Variants in RGS21 observed in about 807,000 individuals in gnomAD.
The protein encoded by RGS21 is regulator of G protein signaling 21.
A neutral mutation model predicts 18.7 loss-of-function variants in RGS21; 19 were observed. The observed-to-expected ratio is 1.01, with a 90% CI of 0.71 to 1.49. The LOEUF (loss-of-function observed/expected upper bound fraction) is 1.49. Among genes scored for constraint, RGS21 ranks in the 40% most tolerant of loss-of-function variants. The pLI is 0.00. For missense variants in RGS21, 194 were observed against 176.8 expected, an observed-to-expected ratio of 1.10 and a Z score of -0.55; for synonymous variants, 56 against 57.8, an observed-to-expected ratio of 0.97 and a Z score of 0.14.
intron 1 of RGS21, among the ~76,000 whole-genome samples, chr1:192,331,545 C>CTAAATAAA (rs200622803): frequency 0.053 from 7,582 of 143,758 alleles, 270 homozygotes; most frequent in South Asian, 0.066. Context: ...GACTCCGTCT[C>CTAAATAAA]TAAATAAATA....
In RGS21 at chr1:192,347,972, CTG is replaced by C. The variant is rs562560592; in HGVS notation, c.88+601_88+602del. Among the ~76,000 whole-genome samples the C allele has an allele frequency of 2.5e-3, 363 of 147,794 alleles. 2 individuals carry two copies. The highest frequency in any genetic ancestry group is 7.8e-3 in the African/African-American group (312 of 40,248). ...AGCCACTGTGCCAGCCCTAGGCTCGCTGTGTGTGTGTGTGTGTGTATACACAC... is the reference window on the plus strand; with the variant it reads ...AGCCACTGTGCCAGCCCTAGGCTCGCTGTGTGTGTGTGTGTGTATACACAC... On this transcript the variant is annotated intron_variant, in intron 3 of 4. Transcript: ENST00000417209.
chr1:192,339,617 C>G (rs920090519), intron 1 of RGS21, among the ~76,000 whole-genome samples: 2 of 152,016 alleles, frequency 1.3e-5, no homozygotes, highest in African/African-American at 4.8e-5. Context: ...ACCCCATCTC[C>G]TCTGCACAGA....
intron 1 of RGS21, among the ~76,000 whole-genome samples, chr1:192,337,343 T>C (rs1440487028): frequency 2.0e-5 from 3 of 152,150 alleles, no homozygotes; most frequent in East Asian, 3.9e-4. Context: ...GGTATTCCAT[T>C]GAGCTAATTT....
chr1:192,317,983 T>C (rs906013059), intron 1 of RGS21, among the ~76,000 whole-genome samples: 15 of 152,200 alleles, frequency 9.9e-5, no homozygotes, highest in Admixed American at 4.6e-4. Flanking sequence ...TATTATAGTA[T>C]ATGTATAACA....
chr1:192,332,483 T>A (rs1361994769), intron 1 of RGS21, among the ~76,000 whole-genome samples: 2 of 152,206 alleles, frequency 1.3e-5, no homozygotes, highest in African/African-American at 2.4e-5. Flanking sequence ...AATCATAGAT[T>A]TAAATGTAAC....
intron 1 of RGS21, among the ~76,000 whole-genome samples, chr1:192,327,182 C>T (rs1273993768): frequency 6.6e-6 from 1 of 151,544 alleles, no homozygotes; most frequent in East Asian, 1.9e-4. Flanking sequence ...AGCATGTGAC[C>T]TTAATAAAGA....
chr1:192,319,155 G>A (rs1429648482), intron 1 of RGS21, among the ~76,000 whole-genome samples: 1 of 152,092 alleles, frequency 6.6e-6, no homozygotes, highest in East Asian at 1.9e-4. Context: ...AGGCTGAGGA[G>A]GGAAGTGTCA....
chr1:192,328,956 A>T (rs1161352957), intron 1 of RGS21, among the ~76,000 whole-genome samples: 5 of 152,104 alleles, frequency 3.3e-5, no homozygotes, highest in Non-Finnish European at 7.4e-5. Context: ...AATTCAATTA[A>T]CTTACTCCTT....
At chr1:192,323,745 T>G (rs1325836812) in intron 1 of RGS21, among the ~76,000 whole-genome samples, 1 of 152,018 alleles carries the variant, frequency 6.6e-6, no homozygotes, top group Non-Finnish European at 1.5e-5. Context: ...ACCATCAGCC[T>G]GAAAGTGATG....
intron 4 of RGS21, among the ~76,000 whole-genome samples, chr1:192,360,398 G>A (rs1488399645): frequency 6.6e-6 from 1 of 151,842 alleles, no homozygotes; most frequent in Non-Finnish European, 1.5e-5. Context: ...GTTCTCCCTT[G>A]CCCTAGCTCA....
intron 1 of RGS21, among the ~76,000 whole-genome samples, chr1:192,322,300 T>A (rs1032289137): frequency 1.3e-5 from 2 of 151,982 alleles, no homozygotes; most frequent in Non-Finnish European, 2.9e-5. Context: ...ATCTAATCAA[T>A]CAAATTAATT....
chr1:192,331,159 C>A (rs938975865), intron 1 of RGS21, among the ~76,000 whole-genome samples: 1 of 152,126 alleles, frequency 6.6e-6, no homozygotes, highest in Non-Finnish European at 1.5e-5. Context: ...TAATGTCCGG[C>A]TGTATGCAGC....
intron 1 of RGS21, among the ~76,000 whole-genome samples, chr1:192,342,074 T>C (rs1658879547): frequency 6.6e-6 from 1 of 152,012 alleles, no homozygotes; most frequent in Admixed American, 6.6e-5. Flanking sequence ...ACCATTTCTA[T>C]AGATCAACTA....
chr1:192,360,987 TA>T (rs558480549), intron 4 of RGS21, among the ~76,000 whole-genome samples: 2 of 151,976 alleles, frequency 1.3e-5, no homozygotes, highest in African/African-American at 4.8e-5. Flanking sequence ...ACCTACTCCA[TA>T]AATACTCTAA....
intron 4 of RGS21, among the ~76,000 whole-genome samples, chr1:192,356,151 G>A (rs533066511): frequency 2.6e-5 from 4 of 151,768 alleles, no homozygotes; most frequent in Admixed American, 6.6e-5. Flanking sequence ...TCACGGGTCC[G>A]TGCAGGACAT....
intron 4 of RGS21, among the ~76,000 whole-genome samples, chr1:192,364,317 A>C (rs1221027434): frequency 6.6e-6 from 1 of 152,174 alleles, no homozygotes; most frequent in African/African-American, 2.4e-5. Flanking sequence ...TTCTGGGATC[A>C]TGAGTAGCTG....
At position 192,332,941 on chromosome 1, in the gene RGS21, T is replaced by A. The variant is rs181638848; in HGVS notation, c.-60-10036T>A. ...CTCCTATCCAAAAGTCTCAAAAAAA[T>A]TTTTTTAAATAAAAAAAAACCTCAA... On this transcript the variant is annotated intron_variant, in intron 1 of 4. Coordinates refer to ENST00000417209, the MANE Select transcript of RGS21 (RefSeq NM_001039152.3). Among the ~76,000 whole-genome samples the A allele has an allele frequency of 6.1e-3, 928 of 151,284 alleles. 10 individuals carry two copies. The highest frequency in any genetic ancestry group is 0.02 in the African/African-American group (828 of 41,166).
At chr1:192,359,655 GTATA>G (rs10638712) in intron 4 of RGS21, among the ~76,000 whole-genome samples, 30 of 124,244 alleles carry the variant, frequency 2.4e-4, no homozygotes, top group South Asian at 5.9e-4. Flanking sequence ...GTGTGTGTGT[GTATA>G]TATATATATA....
At chr1:192,339,216 AT>A (rs76322410) in intron 1 of RGS21, among the ~76,000 whole-genome samples, 24,223 of 150,192 alleles carry the variant, frequency 0.16, 2,039 homozygotes, top group Middle Eastern at 0.28. Context: ...TCAAATCGGC[AT>A]TTTTTTTTAA....
Sources: allele counts gnomAD v4.1 joint callset (sites outside exome capture counted in the v4.1 genomes callset), GRCh38; gene constraint gnomAD v4.1.1; transcripts MANE v1.5; gene names NCBI Gene and HGNC (gene_info 2026-07-23, HGNC 2026-07-21).